Variants in CD34 observed in about 807,000 individuals in gnomAD.
CD34 encodes CD34 molecule.
CD34 carries 34 observed loss-of-function variants against 40.1 expected under a neutral mutation model. The observed-to-expected ratio is 0.85, with a 90% CI of 0.65 to 1.13. The LOEUF (loss-of-function observed/expected upper bound fraction) is 1.13. CD34 is among the 50% of genes most tolerant of loss of function. The pLI is 0.00. For missense variants in CD34, 426 were observed against 466.9 expected (o/e 0.91, Z 0.81); for synonymous variants, 209 against 190.0 (o/e 1.10, Z -0.82).
chr1:207,908,668 G>C (rs1558124320), intron 1 of CD34, among the ~76,000 whole-genome samples: 1 of 152,116 alleles, frequency 6.6e-6, no homozygotes, highest in Non-Finnish European at 1.5e-5. Context: ...GCCTGACAAA[G>C]GGGTTCCCTA....
chr1:207,902,768 T>C (rs934721718), intron 1 of CD34, among the ~76,000 whole-genome samples: 1 of 152,160 alleles, frequency 6.6e-6, no homozygotes, highest in African/African-American at 2.4e-5. Flanking sequence ...CTTTTCCAGA[T>C]GTGGAGTGAG....
intron 1 of CD34, 70 bp downstream of exon 1, chr1:207,910,932 C>A: frequency 7.0e-7 from 1 of 1,437,982 alleles, no homozygotes; most frequent in South Asian, 1.2e-5. Context: ...CTCTGCTGTT[C>A]AGCCTCCCAG....
rs1212195813 is a variant in CD34 at position 207,887,796 on chromosome 1, G to A, written c.1100C>T (p.Ala367Val). Residue 367 changes from alanine to valine, a missense_variant, in exon 8 of 8, where the codon GCC becomes GTC. Transcript: ENST00000310833. ...TGCTGAATGGCCGTTTCTGGAGGTG[G>A]CCTGGCCGGTCCCGTTTTCCTGAGC... is the stretch of plus-strand genomic sequence containing the variant. ...RGAQENGTGQ[A>V]TSRNGHSARQ... The A allele has an allele frequency of 1.9e-6, 3 of 1,614,168 alleles. No homozygotes were observed. The highest frequency in any genetic ancestry group is 2.5e-6 in the Non-Finnish European group (3 of 1,180,022).
At chr1:207,889,938 C>A in intron 4 of CD34, 2 of 1,473,342 alleles carry the variant, frequency 1.4e-6, no homozygotes, top group South Asian at 1.4e-5. Context: ...AAAGAAATGG[C>A]CAAAAACAGA....
At chr1:207,895,251 T>C (rs920139768) in intron 4 of CD34, among the ~76,000 whole-genome samples, 3 of 152,160 alleles carry the variant, frequency 2.0e-5, no homozygotes, top group Non-Finnish European at 4.4e-5. Flanking sequence ...AATCGGGAGC[T>C]GTGGCTAAAC....
chr1:207,899,447 G>A (rs1412855704), intron 2 of CD34, among the ~76,000 whole-genome samples: 1 of 152,096 alleles, frequency 6.6e-6, no homozygotes, highest in Non-Finnish European at 1.5e-5. Context: ...ATAGATGCTG[G>A]TCTACCTTAG....
At chr1:207,910,660 C>T (rs2102309707) in intron 1 of CD34, among the ~76,000 whole-genome samples, 1 of 152,046 alleles carries the variant, frequency 6.6e-6, no homozygotes, top group Middle Eastern at 3.4e-3. Context: ...CCCAGTCTCC[C>T]GGTTCTGGCT....
Position 207,881,636 on chromosome 1 carries a change from G to T in CD34, c.*6102C>A, listed in dbSNP as rs1206442970. 1 of 142,458 alleles carries T rather than the reference G, an allele frequency of 7.0e-6. No individual in the cohort carries two copies. Among genetic ancestry groups the T allele is most frequent in the African/African-American group, 2.6e-5 (1 of 37,826 alleles). 8.8% of individuals were successfully genotyped at this position (142,458 alleles called of 1,614,324 possible). On this transcript the variant is annotated 3_prime_UTR_variant, in exon 8 of 8. Transcript: ENST00000310833. ...GATCACACCACTACACTCCAGCCTG[G>T]GTGACAGAGCGAGACTCCGTCTCAA...
intron 4 of CD34, among the ~76,000 whole-genome samples, chr1:207,895,479 G>T (rs1270609201): frequency 6.6e-6 from 1 of 152,130 alleles, no homozygotes; most frequent in African/African-American, 2.4e-5. Context: ...AACTGGAGGG[G>T]AGCTGCTCTC....
At chr1:207,907,700 C>T (rs1215834894) in intron 1 of CD34, among the ~76,000 whole-genome samples, 1 of 152,196 alleles carries the variant, frequency 6.6e-6, no homozygotes, top group African/African-American at 2.4e-5. Context: ...GTTTGTCTCT[C>T]CATCTTTCCA....
At chr1:207,907,152 G>A (rs560934108) in intron 1 of CD34, among the ~76,000 whole-genome samples, 39 of 152,136 alleles carry the variant, frequency 2.6e-4, no homozygotes, top group Non-Finnish European at 5.3e-4. Flanking sequence ...TTGAGGGCAT[G>A]GAACGAGATT....
At chr1:207,907,527 C>T (rs1662405366) in intron 1 of CD34, among the ~76,000 whole-genome samples, 1 of 152,222 alleles carries the variant, frequency 6.6e-6, no homozygotes. Context: ...CCACTCCTCT[C>T]TAAGAAGTAT....
In CD34 at chr1:207,897,645, A is replaced by G. The variant is rs2102300850; in HGVS notation, c.517-72T>C. The stretch of plus-strand genomic sequence containing the variant: ...TATCTTTGCTCCTCATTTCTTTCCC[A>G]ACTTTTTCCAGTTTGCTTTCTGTGA... On this transcript the variant is annotated intron_variant, in intron 3 of 7. Coordinates refer to ENST00000310833, the MANE Select transcript of CD34 (RefSeq NM_001025109.2). The G allele has an allele frequency of 3.2e-6, 4 of 1,252,774 alleles. No homozygotes were observed. In the South Asian group the frequency reaches 5.1e-5, roughly 16 times the overall value. The allele number at this position is 1,252,774 out of a possible 1,614,324, so 77.6% of individuals were successfully genotyped here.
At chr1:207,893,301 C>T (rs1251294210) in intron 4 of CD34, among the ~76,000 whole-genome samples, 1 of 152,092 alleles carries the variant, frequency 6.6e-6, no homozygotes, top group Non-Finnish European at 1.5e-5. Context: ...GAGGGAGGGA[C>T]AGGTATTTTT....
chr1:207,888,106 A>G, intron 7 of CD34, 183 bp from the exon 8 acceptor site: 1 of 1,614,018 alleles, frequency 6.2e-7, no homozygotes, highest in Non-Finnish European at 8.5e-7. Flanking sequence ...AAGAGTGGTC[A>G]GGGTTCCAGC....
intron 4 of CD34, 29 bp from the exon 5 acceptor site, chr1:207,889,650 A>G (rs1346140700): frequency 6.2e-7 from 1 of 1,612,614 alleles, no homozygotes; most frequent in Non-Finnish European, 8.5e-7. Context: ...ATGGAGAGCA[A>G]GAGATGAAAT....
At position 207,885,237 on chromosome 1, in the gene CD34, T is replaced by C. The variant is rs1233264352; in HGVS notation, c.*2501A>G. Reference sequence around the variant, plus strand: ...CTGAGGCTGAGCAGTAGGACCTCAATAAGGCCAGCAGGTGGCGCCATTGCT... The same window carrying C: ...CTGAGGCTGAGCAGTAGGACCTCAACAAGGCCAGCAGGTGGCGCCATTGCT... On this transcript the variant is annotated 3_prime_UTR_variant, in exon 8 of 8. Transcript: ENST00000310833. The C allele has an allele frequency of 6.6e-6, 1 of 152,056 alleles. No individual in the cohort carries two copies. Among genetic ancestry groups the C allele is most frequent in the African/African-American group, 2.4e-5 (1 of 41,388 alleles). 9.4% of individuals were successfully genotyped at this position (152,056 alleles called of 1,614,324 possible).
Position 207,897,572 on chromosome 1 carries a change from G to A in CD34, c.518C>T (p.Ala173Val), listed in dbSNP as rs535931201. 1.0e-4 allele frequency: 161 copies of A among 1,550,792 alleles called. 3 individuals carry two copies. The South Asian group carries it at 1.8e-3, about 18-fold the overall frequency. Residue 173 changes from alanine to valine, a missense_variant and splice_region_variant, in exon 4 of 8, where the codon GCA (alanine) becomes GTA (valine). Transcript: ENST00000310833. ...TCTGATGCCTGAACATTTGATTTCTGCCTGTATTAAAACAAAAACAATAAC... is the reference window on the plus strand; with the variant it reads ...TCTGATGCCTGAACATTTGATTTCTACCTGTATTAAAACAAAAACAATAAC... ...SSSPILSDIK[A>V]EIKCSGIREV... is the part of the protein sequence containing the mutation.
At chr1:207,910,736 C>T (rs1325156237) in intron 1 of CD34, among the ~76,000 whole-genome samples, 1 of 152,256 alleles carries the variant, frequency 6.6e-6, no homozygotes, top group African/African-American at 2.4e-5. Context: ...CGCTTTATCT[C>T]AGTCCATTGG....
Sources: gnomAD v4.1 joint callset for allele counts (sites outside exome capture counted in the v4.1 genomes callset) on GRCh38, gnomAD v4.1.1 for gene constraint, MANE v1.5 for transcripts, NCBI Gene and HGNC (gene_info 2026-07-23, HGNC 2026-07-21) for gene names.